KIF6: variants seen among roughly 807,000 people sequenced by gnomAD.
KIF6 encodes the protein kinesin family member 6.
A neutral mutation model predicts 112.7 loss-of-function variants in KIF6; 106 were observed. The ratio of observed to expected loss-of-function variants is 0.94; its 90% CI spans 0.80 to 1.11. The LOEUF (loss-of-function observed/expected upper bound fraction) is 1.11, where lower values mean the gene tolerates loss of function less well. KIF6 is among the 50% of genes least tolerant of loss of function. KIF6 has a pLI of 0.00. For synonymous variants in KIF6, 339 were observed against 339.9 expected, an observed-to-expected ratio of 1.00 and a Z score of 0.03; for missense variants, 929 against 964.0, an observed-to-expected ratio of 0.96 and a Z score of 0.48.
At chr6:39,715,749 A>T (rs1487644541) in intron 2 of KIF6, among the ~76,000 whole-genome samples, 7 of 152,178 alleles carry the variant, frequency 4.6e-5, no homozygotes, top group Non-Finnish European at 7.4e-5. Flanking sequence ...AATGAACTAT[A>T]CAAAGAGATA....
At chr6:39,618,952 A>C (rs1783671355) in intron 5 of KIF6, among the ~76,000 whole-genome samples, 1 of 152,216 alleles carries the variant, frequency 6.6e-6, no homozygotes, top group Non-Finnish European at 1.5e-5. Context: ...GAAATGCACA[A>C]AACCAATCTG....
intron 16 of KIF6, among the ~76,000 whole-genome samples, chr6:39,373,900 C>T (rs983633371): frequency 6.6e-6 from 1 of 152,112 alleles, no homozygotes; most frequent in Non-Finnish European, 1.5e-5. Context: ...TCTGGAACCA[C>T]AAAAGACCTT....
At chr6:39,511,954 G>A (rs1776811599) in intron 13 of KIF6, among the ~76,000 whole-genome samples, 1 of 152,222 alleles carries the variant, frequency 6.6e-6, no homozygotes, top group African/African-American at 2.4e-5. Context: ...AGGGGTGGGG[G>A]ACTGGGGGAG....
intron 3 of KIF6, among the ~76,000 whole-genome samples, chr6:39,648,267 C>G (rs1224571033): frequency 6.6e-6 from 1 of 150,828 alleles, no homozygotes; most frequent in African/African-American, 2.5e-5. Context: ...GTCTCGAACT[C>G]CTGACCTCAG....
chr6:39,526,754 A>G (rs1459543756), intron 13 of KIF6, among the ~76,000 whole-genome samples: 2 of 152,038 alleles, frequency 1.3e-5, no homozygotes, highest in Admixed American at 1.3e-4. Context: ...GTGCTCTGCA[A>G]AAGTGCGATT....
Position 39,586,249 on chromosome 6 carries a change from G to A in KIF6, c.990+12C>T, listed in dbSNP as rs376551195. On this transcript the variant is annotated intron_variant, in intron 8 of 22. Transcript: ENST00000287152. ...CCTAGATTAAGATCTCCAGAAAGAA[G>A]AGCCCACATACATCAAGATTCCTTT... is the stretch of plus-strand genomic sequence containing the variant. 3.9e-5 allele frequency: 63 copies of A among 1,613,650 alleles called. No homozygotes were observed. Among genetic ancestry groups the A allele is most frequent in the Non-Finnish European group, 5.2e-5 (61 of 1,179,862 alleles).
intron 3 of KIF6, among the ~76,000 whole-genome samples, chr6:39,657,499 T>A (rs1785872321): frequency 6.6e-6 from 1 of 152,126 alleles, no homozygotes; most frequent in Non-Finnish European, 1.5e-5. Context: ...ACCAAACAAC[T>A]AAATCTCCAA....
chr6:39,435,644 C>T (rs139564171), intron 13 of KIF6, among the ~76,000 whole-genome samples: 12 of 151,710 alleles, frequency 7.9e-5, no homozygotes, highest in African/African-American at 2.7e-4. Context: ...TTTCTGTTCT[C>T]GAGTTACTTT....
At chr6:39,646,180 T>TAAAA (rs34006023) in intron 3 of KIF6, among the ~76,000 whole-genome samples, 1 of 147,184 alleles carries the variant, frequency 6.8e-6, no homozygotes. Flanking sequence ...CTCAGAGAGG[T>TAAAA]AAAAAAAAAG....
chr6:39,432,449 A>G (rs1420162110), intron 13 of KIF6, among the ~76,000 whole-genome samples: 1 of 152,142 alleles, frequency 6.6e-6, no homozygotes, highest in Non-Finnish European at 1.5e-5. Flanking sequence ...GAGTCCCATC[A>G]CCCATCCTAA....
At position 39,542,696 on chromosome 6, in the gene KIF6, T is replaced by G. The variant is rs558184363; in HGVS notation, c.1426+1859A>C. On this transcript the variant is annotated intron_variant, in intron 12 of 22. Transcript: ENST00000287152. ...AATCTTAGCTGCTATTCTTCCTTCTTCTGAGATTGCTTATTGTCTTCATAG... is the reference window on the plus strand; with the variant it reads ...AATCTTAGCTGCTATTCTTCCTTCTGCTGAGATTGCTTATTGTCTTCATAG... 9.8e-5 allele frequency among the ~76,000 whole-genome samples: 15 copies of G among 152,332 alleles called. No individual in the cohort carries two copies. The South Asian group carries it at 3.1e-3, about 32-fold the overall frequency.
intron 3 of KIF6, among the ~76,000 whole-genome samples, chr6:39,653,272 C>T (rs1312923374): frequency 6.6e-6 from 1 of 152,022 alleles, no homozygotes; most frequent in Non-Finnish European, 1.5e-5. Context: ...TTTATAACAC[C>T]ACTATCTAGG....
At chr6:39,581,161 CTTTTTTTTTT>C (rs60321520) in intron 9 of KIF6, among the ~76,000 whole-genome samples, 1 of 78,706 alleles carries the variant, frequency 1.3e-5, no homozygotes, top group African/African-American at 4.5e-5. Context: ...GCTTTACTTT[CTTTTTTTTTT>C]TTTTTTTTTT....
intron 10 of KIF6, among the ~76,000 whole-genome samples, chr6:39,563,308 T>C (rs1780108287): frequency 6.6e-6 from 1 of 152,192 alleles, no homozygotes; most frequent in Non-Finnish European, 1.5e-5. Context: ...TACTGTAAAC[T>C]TTAGGCGTTT....
chr6:39,484,076 A>T (rs1774970471), intron 13 of KIF6, among the ~76,000 whole-genome samples: 1 of 152,136 alleles, frequency 6.6e-6, no homozygotes, highest in African/African-American at 2.4e-5. Flanking sequence ...AACACTTCCA[A>T]AAGTGACTTA....
At chr6:39,392,069 T>A (rs112940362) in intron 15 of KIF6, among the ~76,000 whole-genome samples, 1 of 152,238 alleles carries the variant, frequency 6.6e-6, no homozygotes, top group African/African-American at 2.4e-5. Flanking sequence ...GTTTGATGTA[T>A]GTGCTTTTAT....
chr6:39,472,306 T>C (rs754217314), intron 13 of KIF6, among the ~76,000 whole-genome samples: 19 of 152,170 alleles, frequency 1.2e-4, no homozygotes, highest in African/African-American at 4.8e-5. Flanking sequence ...TCTCCTTAAA[T>C]GCTAGCTCTT....
intron 10 of KIF6, among the ~76,000 whole-genome samples, chr6:39,561,112 T>C (rs957822935): frequency 1.3e-5 from 2 of 152,182 alleles, no homozygotes; most frequent in Non-Finnish European, 2.9e-5. Flanking sequence ...GCATGGCCAG[T>C]ATGAGTGCAC....
chr6:39,506,960 C>T lies in KIF6; in HGVS notation c.1645+33043G>A, dbSNP rs146010099. On this transcript the variant is annotated intron_variant, in intron 13 of 22. Coordinates refer to ENST00000287152, the MANE Select transcript of KIF6 (RefSeq NM_145027.6). ...ACTCCAGGCCATCCCCATGCCTTGC[C>T]CTGTGCCTCTCTTCCACTTGGCTAT... 1.8e-3 allele frequency among the ~76,000 whole-genome samples: 279 copies of T among 152,212 alleles called. 2 individuals carry two copies. Among genetic ancestry groups the T allele is most frequent in the African/African-American group, 6.5e-3 (271 of 41,540 alleles).
Sources: gnomAD v4.1 joint callset for allele counts (sites outside exome capture counted in the v4.1 genomes callset) on GRCh38, gnomAD v4.1.1 for gene constraint, MANE v1.5 for transcripts, NCBI Gene and HGNC (gene_info 2026-07-23, HGNC 2026-07-21) for gene names.